CALD1: variants seen among roughly 807,000 people sequenced by gnomAD.
The protein encoded by CALD1 is caldesmon 1.
CALD1 carries 33 observed loss-of-function variants against 99.9 expected under a neutral mutation model. The observed-to-expected ratio is 0.33, with a 90% CI of 0.25 to 0.44. The LOEUF is 0.44. CALD1 is among the 20% of genes least tolerant of loss of function. CALD1 has a pLI of 1.00. For synonymous variants in CALD1, 310 were observed against 325.0 expected (o/e 0.95, Z 0.50); for missense variants, 861 against 962.1 (o/e 0.89, Z 1.39).
At chr7:134,862,286 T>C (rs1800596667) in intron 2 of CALD1, among the ~76,000 whole-genome samples, 1 of 152,146 alleles carries the variant, frequency 6.6e-6, no homozygotes, top group African/African-American at 2.4e-5. Context: ...CCTATTATAG[T>C]GGTTAAGTGT....
the CALD1 span, among the ~76,000 whole-genome samples, chr7:134,729,781 G>A: frequency 6.6e-6 from 1 of 152,256 alleles, no homozygotes; most frequent in East Asian, 1.9e-4. Context: ...GGAGCTTTGA[G>A]TGATGCTTAA....
intron 11 of CALD1, among the ~76,000 whole-genome samples, chr7:134,959,174 T>C (rs1336346846): frequency 2.0e-5 from 3 of 151,866 alleles, no homozygotes; most frequent in Non-Finnish European, 4.4e-5. Flanking sequence ...TGTTTTTTTG[T>C]TTTTTATTTT....
At chr7:134,769,848 G>C (rs1403236892) in intron 1 of CALD1, among the ~76,000 whole-genome samples, 2 of 152,188 alleles carry the variant, frequency 1.3e-5, no homozygotes, top group Admixed American at 6.5e-5. Context: ...ATTTTGGCCA[G>C]GCTGGTCTTG....
intron 3 of CALD1, among the ~76,000 whole-genome samples, chr7:134,921,906 C>T (rs779325002): frequency 6.6e-6 from 1 of 152,134 alleles, no homozygotes; most frequent in Non-Finnish European, 1.5e-5. Context: ...ATACTTGCAT[C>T]GTGCAATAGG....
upstream of CALD1, among the ~76,000 whole-genome samples, chr7:134,741,407 A>T (rs1419703768): frequency 6.6e-6 from 1 of 152,166 alleles, no homozygotes; most frequent in Non-Finnish European, 1.5e-5. Flanking sequence ...GGTCCCTCCC[A>T]TGACACATGG....
At chr7:134,968,240 T>C in intron 14 of CALD1, 100 bp from the exon 15 acceptor site, 1 of 893,196 alleles carries the variant, frequency 1.1e-6, no homozygotes, top group Non-Finnish European at 1.9e-6. Context: ...CATACTATTA[T>C]TCATTTTTCT....
intron 1 of CALD1, among the ~76,000 whole-genome samples, chr7:134,772,149 C>T (rs1796882834): frequency 6.7e-6 from 1 of 148,358 alleles, no homozygotes; most frequent in Non-Finnish European, 1.5e-5. Flanking sequence ...GGCTGCAGTG[C>T]AGTGGTGCAA....
chr7:134,806,709 C>A (rs1189711058), intron 1 of CALD1, among the ~76,000 whole-genome samples: 1 of 152,102 alleles, frequency 6.6e-6, no homozygotes, highest in African/African-American at 2.4e-5. Context: ...AATTATAGTG[C>A]CTCGGTTTGC....
intron 6 of CALD1, among the ~76,000 whole-genome samples, chr7:134,939,833 G>A (rs1193505750): frequency 6.6e-6 from 1 of 152,012 alleles, no homozygotes; most frequent in Admixed American, 6.6e-5. Context: ...GTGTGGTGTT[G>A]CATGCCTGTA....
intron 3 of CALD1, among the ~76,000 whole-genome samples, chr7:134,893,998 T>C (rs184545477): frequency 2.0e-5 from 3 of 152,306 alleles, no homozygotes; most frequent in Admixed American, 6.5e-5. Context: ...ATTTTACGTA[T>C]GATAACAGAC....
intron 3 of CALD1, among the ~76,000 whole-genome samples, chr7:134,886,627 G>A (rs1022636870): frequency 4.6e-5 from 7 of 152,176 alleles, no homozygotes; most frequent in African/African-American, 9.7e-5. Context: ...AGGCATTGGC[G>A]TCTAGCCTAG....
chr7:134,718,395 T>C, the CALD1 span, among the ~76,000 whole-genome samples: 2 of 152,198 alleles, frequency 1.3e-5, no homozygotes, highest in Non-Finnish European at 1.5e-5. Context: ...TTAAATAGCT[T>C]GCCCAAGGTC....
chr7:134,770,307 G>A (rs1239948678), intron 1 of CALD1, among the ~76,000 whole-genome samples: 4 of 152,134 alleles, frequency 2.6e-5, no homozygotes, highest in African/African-American at 7.2e-5. Context: ...GGGAGGATTC[G>A]TTTCCTGTGC....
chr7:134,723,741 AGCCACGGAT>A, the CALD1 span, among the ~76,000 whole-genome samples: 1 of 152,080 alleles, frequency 6.6e-6, no homozygotes, highest in African/African-American at 2.4e-5. Flanking sequence ...AATGAGTGGA[AGCCACGGAT>A]GCTACTGAAT....
intron 1 of CALD1, among the ~76,000 whole-genome samples, chr7:134,830,019 A>G (rs1163763160): frequency 6.6e-6 from 1 of 152,140 alleles, no homozygotes; most frequent in Admixed American, 6.6e-5. Context: ...GTCATTTGCT[A>G]AGATGGGAAA....
At chr7:134,772,376 C>T (rs541416843) in intron 1 of CALD1, among the ~76,000 whole-genome samples, 1 of 152,276 alleles carries the variant, frequency 6.6e-6, no homozygotes, top group East Asian at 1.9e-4. Flanking sequence ...ATTATAGGAG[C>T]AAGCCACCGT....
chr7:134,793,483 A>G (rs1217009439), intron 1 of CALD1, among the ~76,000 whole-genome samples: 1 of 151,656 alleles, frequency 6.6e-6, no homozygotes, highest in Non-Finnish European at 1.5e-5. Flanking sequence ...TGCATTTTCC[A>G]TGTTCTATTT....
At chr7:134,864,328 CAA>C (rs1800702066) in intron 2 of CALD1, among the ~76,000 whole-genome samples, 1 of 110,814 alleles carries the variant, frequency 9.0e-6, no homozygotes, top group African/African-American at 3.8e-5. Flanking sequence ...GCCTGGGTGA[CAA>C]GAGTGAAACT....
chr7:134,781,016 G>C (rs1001963026), intron 1 of CALD1, among the ~76,000 whole-genome samples: 6 of 152,156 alleles, frequency 3.9e-5, no homozygotes, highest in Non-Finnish European at 5.9e-5. Context: ...TTTGTATTTA[G>C]AAGTTTGGGG....
Sources: gnomAD v4.1 joint callset for allele counts (sites outside exome capture counted in the v4.1 genomes callset) on GRCh38, gnomAD v4.1.1 for gene constraint, MANE v1.5 for transcripts, NCBI Gene and HGNC (gene_info 2026-07-23, HGNC 2026-07-21) for gene names.